The following VPS13C variants were observed in gnomAD, a reference collection of about 807,000 sequenced individuals.
The protein encoded by VPS13C is intermembrane lipid transfer protein VPS13C.
In VPS13C, 358 loss-of-function variants were observed where a neutral mutation model predicts 456.8. The ratio of observed to expected loss-of-function variants is 0.78; its 90% CI spans 0.72 to 0.86. The LOEUF (loss-of-function observed/expected upper bound fraction) is 0.86. Among genes scored for constraint, VPS13C ranks in the 40% least tolerant of loss-of-function variants. VPS13C has a pLI of 0.00. For synonymous variants in VPS13C, 1,578 were observed against 1,486.7 expected (o/e 1.06, Z -1.41); for missense variants, 4,818 against 4,385.4 (o/e 1.10, Z -2.79).
chr15:62,040,575 G>A (rs1048851107), intron 3 of VPS13C, among the ~76,000 whole-genome samples: 1 of 152,024 alleles, frequency 6.6e-6, no homozygotes. Context: ...AAGGAGGGGG[G>A]TGGAGGTTCA....
chr15:61,995,700 C>G (rs531176762), intron 16 of VPS13C, among the ~76,000 whole-genome samples: 1 of 152,176 alleles, frequency 6.6e-6, no homozygotes, highest in Non-Finnish European at 1.5e-5. Flanking sequence ...CCCACAGCCA[C>G]GAAGAGCTAA....
chr15:61,876,612 G>A (rs1895444122), intron 75 of VPS13C, among the ~76,000 whole-genome samples: 1 of 151,934 alleles, frequency 6.6e-6, no homozygotes, highest in Non-Finnish European at 1.5e-5. Context: ...GAACCACAGA[G>A]TAACTGAGGC....
intron 15 of VPS13C, among the ~76,000 whole-genome samples, chr15:62,003,187 T>A (rs28837202): frequency 6.6e-6 from 1 of 151,538 alleles, no homozygotes; most frequent in Non-Finnish European, 1.5e-5. Context: ...TGTCCTCTTT[T>A]ATTTCATTGA....
Position 61,947,338 on chromosome 15 carries a change from G to T in VPS13C, c.4760-29C>A, listed in dbSNP as rs80242910. 5.3e-4 allele frequency: 800 copies of T among 1,508,738 alleles called. 19 individuals carry two copies. In the East Asian group the frequency reaches 0.018, roughly 34 times the overall value. The allele number at this position is 1,508,738 out of a possible 1,614,324, so 93.5% of individuals were successfully genotyped here. On this transcript the variant is annotated intron_variant, in intron 42 of 84. Transcript: ENST00000644861. ...AAAAATAATAGAAACCTTCTGATGAGCAAAGGGAAAAGATAATACAACACA... is the reference window on the plus strand; with the variant it reads ...AAAAATAATAGAAACCTTCTGATGATCAAAGGGAAAAGATAATACAACACA...
intron 65 of VPS13C, among the ~76,000 whole-genome samples, chr15:61,908,105 T>G (rs1164485029): frequency 6.6e-6 from 1 of 152,138 alleles, no homozygotes; most frequent in Admixed American, 6.6e-5. Flanking sequence ...ATCTGCATCT[T>G]AACAAGACTC....
chr15:61,871,887 T>C (rs960094318), intron 79 of VPS13C, 102 bp downstream of exon 79: 13 of 1,014,100 alleles, frequency 1.3e-5, no homozygotes, highest in Non-Finnish European at 1.9e-5. Context: ...ATTCAGTCAG[T>C]AATTTTCTCA....
At chr15:61,873,532 G>A in intron 77 of VPS13C, 123 bp from the exon 78 acceptor site, 2 of 985,500 alleles carry the variant, frequency 2.0e-6, no homozygotes, top group Non-Finnish European at 2.9e-6. Flanking sequence ...TTTCTGAAAA[G>A]GAGACATACA....
At chr15:62,016,925 C>T (rs1170679105) in intron 9 of VPS13C, among the ~76,000 whole-genome samples, 1 of 152,194 alleles carries the variant, frequency 6.6e-6, no homozygotes, top group Admixed American at 6.5e-5. Context: ...ACATCCTCTC[C>T]AGCACCTGTT....
At chr15:62,010,421 C>G (rs753555012) in intron 13 of VPS13C, 51 bp downstream of exon 13, 3 of 1,456,164 alleles carry the variant, frequency 2.1e-6, no homozygotes, top group Non-Finnish European at 2.7e-6. Flanking sequence ...CAAATAAAAG[C>G]AGTCAAGATT....
chr15:61,888,088 T>C (rs933179088), intron 67 of VPS13C, among the ~76,000 whole-genome samples: 1 of 152,168 alleles, frequency 6.6e-6, no homozygotes, highest in African/African-American at 2.4e-5. Flanking sequence ...AATAAGCATA[T>C]GAACAGATCC....
intron 5 of VPS13C, among the ~76,000 whole-genome samples, chr15:62,032,027 CTAAATAATATATGTAACTT>C: frequency 6.6e-6 from 1 of 151,704 alleles, no homozygotes; most frequent in East Asian, 1.9e-4. Context: ...AGATTTGTTT[CTAAATAATATATGTAACTT>C]ATTATGTAAT....
At position 61,913,323 on chromosome 15, in the gene VPS13C, A is replaced by G. The variant is rs1173733551; in HGVS notation, c.8538T>C (p.Asn2846=). 2 of 1,613,872 alleles carry G rather than the reference A, an allele frequency of 1.2e-6. No individual in the cohort carries two copies. The highest frequency in any genetic ancestry group is 1.3e-5 in the African/African-American group (1 of 74,920). ...AGCAGAATCTTACCAGGTACTCCAT[A>G]TTGTTGGCAGGACACTTCACACACC... ...SYGCVKCPAN[N]MEYLVGVSIK... is the part of the protein sequence containing the mutation. Residue 2846 remains asparagine (N), a synonymous_variant, in exon 62 of 85, where the codon AAT becomes AAC. Transcript: ENST00000644861.
chr15:61,930,983 A>G (rs1047346544), intron 50 of VPS13C, 107 bp downstream of exon 50: 15 of 1,338,716 alleles, frequency 1.1e-5, no homozygotes, highest in African/African-American at 1.5e-5. Context: ...AGTATGACCA[A>G]AAGACAGAGA....
rs576606168 is a variant in VPS13C, at chr15:62,022,186, C to A, written c.624+1225G>T. ...TATCCTCTGGAGATATGTTCCAAGCCCCCTAGTGGATGTCTGCAAACACAA... is the reference window on the plus strand; with the variant it reads ...TATCCTCTGGAGATATGTTCCAAGCACCCTAGTGGATGTCTGCAAACACAA... On this transcript the variant is annotated intron_variant, in intron 8 of 84. Coordinates refer to ENST00000644861, the MANE Select transcript of VPS13C (RefSeq NM_020821.3). Among the ~76,000 whole-genome samples the A allele has an allele frequency of 1.4e-4, 22 of 151,878 alleles. 1 individual carries two copies. In the South Asian group the frequency reaches 3.5e-3, roughly 24 times the overall value.
At chr15:61,952,828 C>T (rs890887386) in intron 38 of VPS13C, among the ~76,000 whole-genome samples, 2 of 152,068 alleles carry the variant, frequency 1.3e-5, no homozygotes, top group African/African-American at 4.8e-5. Context: ...AAGCGATCCT[C>T]CTGCTTCCCA....
chr15:61,895,261 G>C (rs148589482), intron 66 of VPS13C, among the ~76,000 whole-genome samples: 1 of 151,934 alleles, frequency 6.6e-6, no homozygotes, highest in South Asian at 2.1e-4. Flanking sequence ...CAAAAAAGTA[G>C]AAAGATTTCA....
In VPS13C at chr15:62,010,532, C is replaced by G. The variant is rs115245671; in HGVS notation, c.951G>C (p.Thr317=). 2 of 1,613,220 alleles carry G rather than the reference C, an allele frequency of 1.2e-6. No individual in the cohort carries two copies. Among genetic ancestry groups the G allele is most frequent in the Non-Finnish European group, 1.7e-6 (2 of 1,179,624 alleles). Residue 317 remains threonine, a synonymous_variant, in exon 13 of 85, where the codon ACG becomes ACC. Coordinates refer to ENST00000644861, the MANE Select transcript of VPS13C (RefSeq NM_020821.3). ...TTTCTATGTTGCAATCCAGTTTGGG[C>G]GTTTTGAGCTCTGATTCTGCATAAG... ...MNPYAESELK[T]PKLDCNIEIQ...
At chr15:62,049,661 G>C (rs2048554462) in intron 1 of VPS13C, among the ~76,000 whole-genome samples, 1 of 152,130 alleles carries the variant, frequency 6.6e-6, no homozygotes, top group Admixed American at 6.5e-5. Flanking sequence ...AGCTTGATGG[G>C]GATGGCATTG....
chr15:62,043,050 C>G (rs1007906403), intron 2 of VPS13C, among the ~76,000 whole-genome samples: 6 of 151,720 alleles, frequency 4.0e-5, no homozygotes, highest in African/African-American at 1.5e-4. Flanking sequence ...CACTACAATT[C>G]TATTTATATT....
Sources: allele counts gnomAD v4.1 joint callset (sites outside exome capture counted in the v4.1 genomes callset), GRCh38; gene constraint gnomAD v4.1.1; transcripts MANE v1.5; gene names NCBI Gene and HGNC (gene_info 2026-07-23, HGNC 2026-07-21).